Variants in EYS observed in about 807,000 individuals in gnomAD.
EYS encodes the protein EGF-like photoreceptor maintenance factor.
Under a neutral mutation model 282.1 loss-of-function variants are expected in EYS, and 250 were observed. The ratio of observed to expected loss-of-function variants is 0.89; its 90% CI spans 0.80 to 0.98. EYS has a LOEUF of 0.98. Among genes scored for constraint, EYS ranks in the 50% least tolerant of loss-of-function variants. The pLI is 0.00. For missense variants in EYS, 4,016 were observed against 3,709.0 expected (o/e 1.08, Z -2.15); for synonymous variants, 1,355 against 1,282.9 (o/e 1.06, Z -1.20).
chr6:65,146,231 T>C (rs1051647915), intron 12 of EYS, among the ~76,000 whole-genome samples: 5 of 148,872 alleles, frequency 3.4e-5, no homozygotes, highest in African/African-American at 7.3e-5. Flanking sequence ...AGCTTATTTG[T>C]AAGAAAACAT....
At chr6:65,598,766 A>C (rs1363461715) in intron 2 of EYS, among the ~76,000 whole-genome samples, 1 of 152,086 alleles carries the variant, frequency 6.6e-6, no homozygotes, top group Non-Finnish European at 1.5e-5. Flanking sequence ...GTCAGGACAC[A>C]GTAGCTGGAG....
At chr6:65,225,346 A>T (rs901869511) in intron 12 of EYS, among the ~76,000 whole-genome samples, 5 of 151,322 alleles carry the variant, frequency 3.3e-5, no homozygotes, top group African/African-American at 1.2e-4. Flanking sequence ...GCAGCATATT[A>T]AAAATGGTAA....
chr6:65,492,026 A>G (rs957535342), intron 4 of EYS, among the ~76,000 whole-genome samples: 2 of 152,192 alleles, frequency 1.3e-5, no homozygotes, highest in African/African-American at 2.4e-5. Context: ...GACTTTTGGC[A>G]TCTAAAACTG....
At chr6:64,244,050 A>G (rs1172934627) in intron 30 of EYS, among the ~76,000 whole-genome samples, 1 of 152,162 alleles carries the variant, frequency 6.6e-6, no homozygotes, top group African/African-American at 2.4e-5. Flanking sequence ...CTCCATAAAA[A>G]CTATTAGAAA....
intron 22 of EYS, among the ~76,000 whole-genome samples, chr6:64,778,560 T>C (rs1773753679): frequency 1.3e-5 from 2 of 151,944 alleles, no homozygotes; most frequent in Admixed American, 1.3e-4. Context: ...AATTTAAACA[T>C]GAATCTCTCA....
At chr6:65,078,529 T>C (rs1441560268) in intron 12 of EYS, among the ~76,000 whole-genome samples, 1 of 152,042 alleles carries the variant, frequency 6.6e-6, no homozygotes, top group Non-Finnish European at 1.5e-5. Flanking sequence ...TAAATTAACC[T>C]AAGCCACTGA....
intron 26 of EYS, among the ~76,000 whole-genome samples, chr6:64,543,927 G>A (rs763558106): frequency 1.3e-5 from 2 of 152,166 alleles, no homozygotes; most frequent in African/African-American, 2.4e-5. Context: ...TATATGCCCT[G>A]CTCTAAAATG....
intron 31 of EYS, among the ~76,000 whole-genome samples, chr6:64,152,715 G>C (rs1774783510): frequency 6.6e-6 from 1 of 152,104 alleles, no homozygotes; most frequent in South Asian, 2.1e-4. Context: ...TGCATCTAGA[G>C]AGTCACCTTT....
intron 33 of EYS, among the ~76,000 whole-genome samples, chr6:64,021,058 C>T (rs1041190990): frequency 1.3e-5 from 2 of 151,938 alleles, no homozygotes; most frequent in African/African-American, 4.8e-5. Context: ...TCCTAAAAAT[C>T]TTTTCTACCC....
At chr6:65,617,911 C>A (rs1479588106) in intron 2 of EYS, among the ~76,000 whole-genome samples, 1 of 152,028 alleles carries the variant, frequency 6.6e-6, no homozygotes, top group African/African-American at 2.4e-5. Flanking sequence ...CATAGTATTC[C>A]ATGGTGTATA....
intron 26 of EYS, among the ~76,000 whole-genome samples, chr6:64,532,505 C>A (rs940648378): frequency 6.6e-6 from 1 of 151,994 alleles, no homozygotes; most frequent in Non-Finnish European, 1.5e-5. Flanking sequence ...GTCAGGAGAT[C>A]GAGACCATCC....
chr6:65,055,800 T>A (rs1163772971), intron 13 of EYS, among the ~76,000 whole-genome samples: 1 of 152,100 alleles, frequency 6.6e-6, no homozygotes, highest in Non-Finnish European at 1.5e-5. Context: ...TCATTTCATA[T>A]CAAAAGTTTA....
intron 31 of EYS, among the ~76,000 whole-genome samples, chr6:64,162,086 G>A (rs1039697918): frequency 6.6e-6 from 1 of 152,032 alleles, no homozygotes; most frequent in Non-Finnish European, 1.5e-5. Context: ...CAGCCCTCTA[G>A]GGAAGAGAAA....
intron 36 of EYS, among the ~76,000 whole-genome samples, chr6:63,832,044 A>G (rs920397212): frequency 1.3e-5 from 2 of 152,216 alleles, no homozygotes; most frequent in Non-Finnish European, 2.9e-5. Flanking sequence ...ACATATCAGG[A>G]TCTCTGGGAT....
In EYS at chr6:64,295,497, AAAGAAGAAAGAAGAAAGAAGAAAG is replaced by A. The variant is rs1299562988; in HGVS notation, c.6191+11449_6191+11472del. 5.4e-5 allele frequency among the ~76,000 whole-genome samples: 2 copies of A among 36,766 alleles called. 1 individual carries two copies. The highest frequency in any genetic ancestry group is 5.6e-4 in the African/African-American group (2 of 3,566). 24.1% of individuals were successfully genotyped at this position (36,766 alleles called of 152,430 possible). On this transcript the variant is annotated intron_variant, in intron 30 of 42. Coordinates refer to ENST00000503581, the MANE Select transcript of EYS (RefSeq NM_001142800.2). The stretch of plus-strand genomic sequence containing the variant: ...GAAGAAGAAGAAGAAGAAGAAGAAG[AAAGAAGAAAGAAGAAAGAAGAAAG>A]AAGAAAGAAGAAGAAAGAAGAAGAA...
intron 22 of EYS, among the ~76,000 whole-genome samples, chr6:64,776,031 G>A (rs375415050): frequency 2.6e-5 from 4 of 151,964 alleles, no homozygotes; most frequent in African/African-American, 7.2e-5. Flanking sequence ...CTACAGGATT[G>A]CTGATGTCTA....
intron 29 of EYS, among the ~76,000 whole-genome samples, chr6:64,318,094 G>C (rs1224945644): frequency 1.3e-5 from 2 of 151,978 alleles, no homozygotes; most frequent in Non-Finnish European, 2.9e-5. Flanking sequence ...GGGTTGATGG[G>C]TGGAGAAAAG....
intron 26 of EYS, among the ~76,000 whole-genome samples, chr6:64,545,119 C>T (rs1197660187): frequency 6.6e-6 from 1 of 152,250 alleles, no homozygotes; most frequent in South Asian, 2.1e-4. Flanking sequence ...CAAAAATCCT[C>T]AATAAAATAC....
chr6:65,627,759 C>A (rs537937942), intron 2 of EYS, among the ~76,000 whole-genome samples: 1 of 152,214 alleles, frequency 6.6e-6, no homozygotes, highest in Non-Finnish European at 1.5e-5. Flanking sequence ...GATTTCTCAC[C>A]GAGCCTTAGC....
Sources: allele counts gnomAD v4.1 joint callset (sites outside exome capture counted in the v4.1 genomes callset), GRCh38; gene constraint gnomAD v4.1.1; transcripts MANE v1.5; gene names NCBI Gene and HGNC (gene_info 2026-07-23, HGNC 2026-07-21).